The following TMEM232 variants were observed in gnomAD, a reference collection of about 807,000 sequenced individuals.
TMEM232 encodes the protein transmembrane protein 232.
Under a neutral mutation model 78.8 loss-of-function variants are expected in TMEM232, and 80 were observed. The ratio of observed to expected loss-of-function variants is 1.01; its 90% CI spans 0.85 to 1.22. The LOEUF is 1.22. Ranked by LOEUF, TMEM232 falls within the 50% of genes most tolerant of loss-of-function variation. The probability of loss-of-function intolerance (pLI) is 0.00; values close to 1 mark genes in which losing one functional copy is unlikely to be tolerated. For synonymous variants in TMEM232, 297 were observed against 254.3 expected (o/e 1.17, Z -1.60); for missense variants, 881 against 742.2 (o/e 1.19, Z -2.17).
intron 12 of TMEM232, among the ~76,000 whole-genome samples, chr5:110,527,588 A>G (rs1247929770): frequency 6.6e-6 from 1 of 151,946 alleles, no homozygotes; most frequent in East Asian, 1.9e-4. Flanking sequence ...TAGGTTGTAA[A>G]AAGACACAAA....
chr5:110,402,394 G>A (rs762647077), intron 2 of TMEM232, among the ~76,000 whole-genome samples: 35 of 152,046 alleles, frequency 2.3e-4, no homozygotes, highest in Non-Finnish European at 4.3e-4. Context: ...AAATAAATGT[G>A]TATATTATTA....
chr5:110,598,619 C>G (rs566041459), intron 10 of TMEM232, among the ~76,000 whole-genome samples: 9 of 151,948 alleles, frequency 5.9e-5, no homozygotes, highest in Admixed American at 5.2e-4. Context: ...CCCAAATGTC[C>G]AACAATGATA....
intron 1 of TMEM232, among the ~76,000 whole-genome samples, chr5:110,696,627 A>G (rs1026924544): frequency 3.9e-5 from 6 of 152,186 alleles, no homozygotes; most frequent in African/African-American, 1.4e-4. Context: ...AAATCAATGT[A>G]CAAAAATCAC....
chr5:110,465,171 A>T (rs1381883017), intron 12 of TMEM232, among the ~76,000 whole-genome samples: 1 of 152,252 alleles, frequency 6.6e-6, no homozygotes, highest in Non-Finnish European at 1.5e-5. Context: ...AGATAGACAA[A>T]GACAGGGAAA....
chr5:110,572,311 G>A (rs1777046131), intron 10 of TMEM232, among the ~76,000 whole-genome samples: 1 of 151,954 alleles, frequency 6.6e-6, no homozygotes, highest in African/African-American at 2.4e-5. Context: ...TGAGATTGCT[G>A]ATTTGTGGGT....
At chr5:110,441,131 T>G (rs926256046) in intron 12 of TMEM232, among the ~76,000 whole-genome samples, 2 of 152,170 alleles carry the variant, frequency 1.3e-5, no homozygotes, top group African/African-American at 4.8e-5. Flanking sequence ...CCAGGGTTTC[T>G]GGATCTTGAC....
At chr5:110,464,849 T>TATCA (rs1258718754) in intron 12 of TMEM232, among the ~76,000 whole-genome samples, 2 of 152,198 alleles carry the variant, frequency 1.3e-5, no homozygotes, top group African/African-American at 4.8e-5. Flanking sequence ...TCTATCTATC[T>TATCA]ATCATGAACC....
chr5:110,706,316 A>C (rs571239653), intron 1 of TMEM232, among the ~76,000 whole-genome samples: 2 of 152,276 alleles, frequency 1.3e-5, no homozygotes, highest in South Asian at 4.1e-4. Flanking sequence ...GTATGTTCCA[A>C]CTATCAAAAT....
chr5:110,427,485 T>C (rs73782489), intron 12 of TMEM232, among the ~76,000 whole-genome samples: 5,625 of 151,902 alleles, frequency 0.037, 146 homozygotes, highest in African/African-American at 0.073. Flanking sequence ...ATTTTGACAT[T>C]TGAAGTTAAA....
chr5:110,612,258 T>A (rs1175913555), intron 8 of TMEM232, among the ~76,000 whole-genome samples: 1 of 152,170 alleles, frequency 6.6e-6, no homozygotes. Context: ...TCATGTCTTC[T>A]GGTTTCAGGT....
At chr5:110,420,804 G>C (rs1036974654) in intron 13 of TMEM232, 48 bp from the exon 14 acceptor site, 1 of 1,481,072 alleles carries the variant, frequency 6.8e-7, no homozygotes, top group Non-Finnish European at 8.8e-7. Context: ...ATGAAAAAAT[G>C]CATATCAGTT....
chr5:110,504,338 C>T (rs1056105530), intron 12 of TMEM232, among the ~76,000 whole-genome samples: 12 of 152,102 alleles, frequency 7.9e-5, no homozygotes, highest in African/African-American at 2.7e-4. Flanking sequence ...TTTTAAATAT[C>T]GTGCTTTCAA....
chr5:110,639,801 G>A (rs555488321), intron 4 of TMEM232, among the ~76,000 whole-genome samples: 6 of 152,292 alleles, frequency 3.9e-5, no homozygotes, highest in Admixed American at 2.0e-4. Context: ...AAGGAGCACC[G>A]CAGCCTAGAT....
Position 110,606,252 on chromosome 5 carries a change from TC to T in TMEM232, c.937del (p.Glu313ArgfsTer5). 6.5e-7 allele frequency: 1 copy of T among 1,543,258 alleles called. No homozygotes were observed. Among genetic ancestry groups the T allele is most frequent in the Non-Finnish European group, 8.8e-7 (1 of 1,141,144 alleles). On this transcript the variant is annotated frameshift_variant, in exon 9 of 14. Coordinates refer to ENST00000455884, the MANE Select transcript of TMEM232 (RefSeq NM_001039763.4). LOFTEE classifies it high-confidence loss of function. ...GCAGGCCATGTTTAATTTGGCAGCCTCCCCAAGGACCAGTAAAGCCAGTACT... is the reference window on the plus strand; with the variant it reads ...GCAGGCCATGTTTAATTTGGCAGCCTCCCAAGGACCAGTAAAGCCAGTACT... ...DSVLALLVLG[E>X]AAKLNMACLK...
At chr5:110,392,997 CTCAT>C (rs1402165211) in intron 3 of TMEM232, among the ~76,000 whole-genome samples, 2 of 152,198 alleles carry the variant, frequency 1.3e-5, no homozygotes, top group African/African-American at 4.8e-5. Context: ...ATAGTTCTCT[CTCAT>C]TGACTACTAA....
rs943850401 is a variant in TMEM232 at position 110,527,160 on chromosome 5, A to G, written c.1703+1428T>C. ...AAAGAAAGTTAACTTTCTAACTTTA[A>G]TGTATAGAAATTTGGAGCATTTTTT... On this transcript the variant is annotated intron_variant, in intron 12 of 13. Transcript: ENST00000455884. Among the ~76,000 whole-genome samples, 6 of 152,050 alleles carry G rather than the reference A, an allele frequency of 3.9e-5. No homozygotes were observed. In the East Asian group the frequency reaches 1.2e-3, roughly 29 times the overall value.
intron 2 of TMEM232, among the ~76,000 whole-genome samples, chr5:110,644,803 A>T (rs1396838358): frequency 6.6e-6 from 1 of 151,708 alleles, no homozygotes; most frequent in Non-Finnish European, 1.5e-5. Context: ...AATCATCAAA[A>T]CTAAGAGCTG....
intron 1 of TMEM232, 50 bp from the exon 2 acceptor site, chr5:110,667,414 C>T: frequency 7.6e-7 from 1 of 1,323,896 alleles, no homozygotes; most frequent in South Asian, 1.8e-5. Context: ...CTCATAGTAT[C>T]AAACAACATG....
At chr5:110,610,992 A>C (rs900411704) in intron 8 of TMEM232, among the ~76,000 whole-genome samples, 7 of 152,154 alleles carry the variant, frequency 4.6e-5, no homozygotes, top group African/African-American at 1.7e-4. Flanking sequence ...AGAAAGGAAA[A>C]TCCTAGTGTT....
Sources: gnomAD v4.1 joint callset for allele counts (sites outside exome capture counted in the v4.1 genomes callset) on GRCh38, gnomAD v4.1.1 for gene constraint, MANE v1.5 for transcripts, NCBI Gene and HGNC (gene_info 2026-07-23, HGNC 2026-07-21) for gene names.